The following DPP6 variants were observed in gnomAD, a reference collection of about 807,000 sequenced individuals.
DPP6 encodes A-type potassium channel modulatory protein DPP6.
DPP6 carries 69 observed loss-of-function variants against 122.6 expected under a neutral mutation model. The ratio of observed to expected loss-of-function variants is 0.56; its 90% CI spans 0.46 to 0.69. The LOEUF (loss-of-function observed/expected upper bound fraction) is 0.69. DPP6 is among the 30% of genes least tolerant of loss of function. The probability of loss-of-function intolerance (pLI) is 0.00; values close to 1 mark genes in which losing one functional copy is unlikely to be tolerated. For synonymous variants in DPP6, 418 were observed against 433.1 expected (o/e 0.97, Z 0.43); for missense variants, 928 against 1,116.9 (o/e 0.83, Z 2.41).
intron 1 of DPP6, among the ~76,000 whole-genome samples, chr7:154,265,385 G>T (rs534792726): frequency 6.6e-6 from 1 of 152,190 alleles, no homozygotes; most frequent in African/African-American, 2.4e-5. Context: ...CAAAAAGAAG[G>T]CCTCTCAGGA....
At position 154,446,615 on chromosome 7, in the gene DPP6, A is replaced by G. The variant is rs577241930; in HGVS notation, c.358+287A>G. Among the ~76,000 whole-genome samples, 7 of 152,368 alleles carry G rather than the reference A, an allele frequency of 4.6e-5. No individual in the cohort carries two copies. In the South Asian group the frequency reaches 1.4e-3, roughly 32 times the overall value. On this transcript the variant is annotated intron_variant, in intron 2 of 25. Coordinates refer to ENST00000377770, the MANE Select transcript of DPP6 (RefSeq NM_130797.4). ...TCAACTTAAAGACAGTGGCATAAAT[A>G]TAATGATTTTATATATTTCATAGAA...
At chr7:154,714,810 A>G (rs1050026216) in intron 7 of DPP6, among the ~76,000 whole-genome samples, 4 of 152,244 alleles carry the variant, frequency 2.6e-5, no homozygotes, top group African/African-American at 7.2e-5. Flanking sequence ...TCATTTTTAA[A>G]AATGAAACTA....
At chr7:153,857,126 C>A in the DPP6 span, among the ~76,000 whole-genome samples, 1 of 151,986 alleles carries the variant, frequency 6.6e-6, no homozygotes, top group African/African-American at 2.4e-5. Context: ...ACAAAGAAAC[C>A]TTTACAAGTG....
chr7:154,873,615 T>C (rs1202238815), intron 19 of DPP6, among the ~76,000 whole-genome samples: 1 of 152,206 alleles, frequency 6.6e-6, no homozygotes, highest in African/African-American at 2.4e-5. Flanking sequence ...GGTTCCATTA[T>C]AGAAACGCCC....
At chr7:154,665,447 A>G (rs1464209654) in intron 6 of DPP6, among the ~76,000 whole-genome samples, 1 of 150,816 alleles carries the variant, frequency 6.6e-6, no homozygotes, top group East Asian at 2.0e-4. Context: ...GTCATTAGAA[A>G]CTCCTTTAGG....
intron 5 of DPP6, among the ~76,000 whole-genome samples, chr7:154,623,583 A>G (rs1020364348): frequency 6.7e-6 from 1 of 148,236 alleles, no homozygotes; most frequent in African/African-American, 2.5e-5. Context: ...ACACGCACGC[A>G]CACGCGCACA....
At chr7:153,767,568 A>G in the DPP6 span, among the ~76,000 whole-genome samples, 1 of 148,872 alleles carries the variant, frequency 6.7e-6, no homozygotes, top group African/African-American at 2.5e-5. Flanking sequence ...TACTAGAGAC[A>G]AGGTTTCACC....
intron 1 of DPP6, among the ~76,000 whole-genome samples, chr7:154,008,236 CAA>C (rs1233944498): frequency 1.3e-5 from 2 of 152,248 alleles, no homozygotes; most frequent in East Asian, 3.9e-4. Flanking sequence ...CCCTGAGAAA[CAA>C]GAGAGCCAGA....
intron 6 of DPP6, among the ~76,000 whole-genome samples, chr7:154,644,384 A>T (rs542385592): frequency 3.9e-5 from 6 of 152,302 alleles, no homozygotes; most frequent in Non-Finnish European, 8.8e-5. Flanking sequence ...CTCTAATTAA[A>T]TCTGTGGCAG....
Position 154,605,962 on chromosome 7 carries a change from C to T in DPP6, c.628-31859C>T, listed in dbSNP as rs1833575554. 1.7e-5 allele frequency among the ~76,000 whole-genome samples: 2 copies of T among 119,150 alleles called. 1 individual carries two copies. Among genetic ancestry groups the T allele is most frequent in the South Asian group, 6.9e-4 (2 of 2,912 alleles). The allele number at this position is 119,150 out of a possible 152,430, so 78.2% of individuals were successfully genotyped here. A position where few individuals can be genotyped will look rare whatever the true frequency, so the allele number is the denominator to read the frequency against. On this transcript the variant is annotated intron_variant, in intron 5 of 25. Coordinates refer to ENST00000377770, the MANE Select transcript of DPP6 (RefSeq NM_130797.4). ...GTGTTATTTTGTTTCCGAATATATG[C>T]TTTATTTACCCTTTTCACAAAAAGT...
chr7:153,977,879 C>T (rs1483949941), intron 1 of DPP6, among the ~76,000 whole-genome samples: 6 of 152,074 alleles, frequency 3.9e-5, no homozygotes, highest in African/African-American at 7.2e-5. Flanking sequence ...GAAAAGGACA[C>T]GAACTCATTC....
the DPP6 span, among the ~76,000 whole-genome samples, chr7:153,819,901 C>T: frequency 6.6e-6 from 1 of 151,896 alleles, no homozygotes; most frequent in African/African-American, 2.4e-5. Flanking sequence ...TCTTTTTCTT[C>T]TTTATATTTT....
chr7:154,200,052 T>TAAGA (rs898318276), intron 1 of DPP6, among the ~76,000 whole-genome samples: 6 of 152,190 alleles, frequency 3.9e-5, no homozygotes, highest in African/African-American at 1.2e-4. Context: ...TCGGAGCTTT[T>TAAGA]AAGAAAGAAA....
At chr7:154,575,297 TGGGG>T (rs1157113652) in intron 5 of DPP6, among the ~76,000 whole-genome samples, 3 of 119,050 alleles carry the variant, frequency 2.5e-5, no homozygotes, top group East Asian at 5.7e-4. Flanking sequence ...TGTATGTGTG[TGGGG>T]GGTGTATGTG....
Position 154,403,392 on chromosome 7 carries a change from C to T in DPP6, c.244-42822C>T, listed in dbSNP as rs534165665. Among the ~76,000 whole-genome samples, 5 of 152,260 alleles carry T rather than the reference C, an allele frequency of 3.3e-5. No homozygotes were observed. In the East Asian group the frequency reaches 5.8e-4, roughly 18 times the overall value. On this transcript the variant is annotated intron_variant, in intron 1 of 25. Transcript: ENST00000377770. This position sits in a 1 kb window ranked among gnomAD's most constrained non-coding sequence, Gnocchi z 4.1. The stretch of plus-strand genomic sequence containing the variant: ...AGGGACATGGTGAGGACTGGAGTTG[C>T]GGTAGATGCCTCCTGGGTGTTGAAG...
intron 1 of DPP6, among the ~76,000 whole-genome samples, chr7:154,393,185 G>A (rs1407524710): frequency 6.6e-6 from 1 of 152,156 alleles, no homozygotes; most frequent in Admixed American, 6.5e-5. Context: ...GAGTCTAAAC[G>A]GCTGAGGAAT....
chr7:153,943,798 T>C (rs1801809531), intron 1 of DPP6, among the ~76,000 whole-genome samples: 1 of 152,212 alleles, frequency 6.6e-6, no homozygotes, highest in African/African-American at 2.4e-5. Context: ...CAGTGTTTAA[T>C]AAACATGTAA....
At chr7:154,341,293 C>T (rs1046939755) in intron 1 of DPP6, among the ~76,000 whole-genome samples, 2 of 152,122 alleles carry the variant, frequency 1.3e-5, no homozygotes, top group East Asian at 1.9e-4. Context: ...GTGCAGGCTG[C>T]GGTGTCTGGC....
intron 1 of DPP6, among the ~76,000 whole-genome samples, chr7:154,401,217 C>CAAAAAAA (rs377017340): frequency 6.9e-6 from 1 of 144,754 alleles, no homozygotes; most frequent in African/African-American, 2.6e-5. Context: ...AAAACAAAAA[C>CAAAAAAA]AAAAAAAAAA....
Sources: gnomAD v4.1 joint callset for allele counts (sites outside exome capture counted in the v4.1 genomes callset) on GRCh38, gnomAD v4.1.1 for gene constraint, Gnocchi (gnomAD v3.1) non-coding constraint, MANE v1.5 for transcripts, NCBI Gene and HGNC (gene_info 2026-07-23, HGNC 2026-07-21) for gene names.